Variants in PCDH11X observed in about 807,000 individuals in gnomAD.
PCDH11X encodes protocadherin-11 X-linked.
A neutral mutation model predicts 53.3 loss-of-function variants in PCDH11X; 18 were observed. The ratio of observed to expected loss-of-function variants is 0.34; its 90% CI spans 0.23 to 0.50. The LOEUF is 0.50. Ranked by LOEUF, PCDH11X falls within the 20% of genes least tolerant of loss-of-function variation. The pLI, the probability that PCDH11X is intolerant of heterozygous loss-of-function variation, is 0.98. For synonymous variants in PCDH11X, 279 were observed against 393.3 expected, an observed-to-expected ratio of 0.71 and a Z score of 3.44; for missense variants, 570 against 1,032.4, an observed-to-expected ratio of 0.55 and a Z score of 6.14.
In PCDH11X at chrX:91,882,886, G is replaced by A. The variant is rs150591779; in HGVS notation, c.3033+3613G>A. 3,061 of 1,182,450 alleles carry A rather than the reference G, an allele frequency of 2.6e-3. 34 individuals carry two copies. In the African/African-American group the frequency reaches 0.035, roughly 13 times the overall value. ...AACACAACCATCTGATTTTGATAAC[G>A]TGTTATTTTTCTTGTCCTAGACTGA... On this transcript the variant is annotated intron_variant, in intron 6 of 10. Transcript: ENST00000682573.
intron 6 of PCDH11X, among the ~76,000 whole-genome samples, chrX:91,994,405 C>A (rs1412482397): frequency 9.1e-6 from 1 of 109,925 alleles, no homozygotes; most frequent in Non-Finnish European, 1.9e-5. Flanking sequence ...TGTACTATTT[C>A]TCTTTATGTC....
intron 8 of PCDH11X, among the ~76,000 whole-genome samples, chrX:92,337,711 A>G (rs918455848): frequency 3.6e-5 from 4 of 111,647 alleles, no homozygotes; most frequent in Non-Finnish European, 7.5e-5. Context: ...GTAGATTCCT[A>G]GGGATTAATT....
At chrX:92,604,952 T>C (rs1331725346) in intron 10 of PCDH11X, among the ~76,000 whole-genome samples, 1 of 99,086 alleles carries the variant, frequency 1.0e-5, no homozygotes, top group Non-Finnish European at 2.0e-5. Flanking sequence ...TTTGACAGAA[T>C]TGAAGAGAGA....
intron 6 of PCDH11X, among the ~76,000 whole-genome samples, chrX:92,097,291 G>T (rs758250141): frequency 2.3e-4 from 25 of 108,758 alleles, no homozygotes; most frequent in Non-Finnish European, 4.4e-4. Flanking sequence ...GTGCACTTGT[G>T]GTCCTAGCTA....
intron 6 of PCDH11X, among the ~76,000 whole-genome samples, chrX:91,956,448 G>C (rs2061712255): frequency 9.0e-6 from 1 of 111,293 alleles, no homozygotes; most frequent in Admixed American, 9.6e-5. Context: ...GGTAGGCCTG[G>C]TGGTGATGAA....
Position 91,789,131 on chromosome X carries a change from G to A in PCDH11X, c.-379+9447G>A, listed in dbSNP as rs754058045. ...GCAGGAGAATCCCTTGAACCCGCGA[G>A]GCGGAGATTGCAGTGAGCCGAGATC... On this transcript the variant is annotated intron_variant, in intron 1 of 10. Transcript: ENST00000682573. Among the ~76,000 whole-genome samples, 15 of 102,887 alleles carry A rather than the reference G, an allele frequency of 1.5e-4. No homozygotes were observed. The East Asian group carries it at 3.7e-3, about 25-fold the overall frequency. The allele number at this position is 102,887 out of a possible 115,157, so 89.3% of individuals were successfully genotyped here.
chrX:92,563,047 G>GTC (rs2075157582), intron 10 of PCDH11X, among the ~76,000 whole-genome samples: 1 of 43,859 alleles, frequency 2.3e-5, no homozygotes, highest in Non-Finnish European at 3.8e-5. Flanking sequence ...CCTTGGTACC[G>GTC]TTTTTTTTTT....
chrX:91,922,159 A>G (rs1378650730), intron 6 of PCDH11X, among the ~76,000 whole-genome samples: 1 of 111,982 alleles, frequency 8.9e-6, no homozygotes, highest in Non-Finnish European at 1.9e-5. Context: ...TGGTTTTAAA[A>G]TTATAACTCG....
At chrX:92,608,164 C>T (rs183258155) in intron 10 of PCDH11X, among the ~76,000 whole-genome samples, 1,358 of 103,448 alleles carry the variant, frequency 0.013, 26 homozygotes, top group African/African-American at 0.048. Context: ...GCCATTATCA[C>T]TCAGCAAGCA....
chrX:92,176,822 T>G (rs2065916173), intron 6 of PCDH11X, among the ~76,000 whole-genome samples: 1 of 111,659 alleles, frequency 9.0e-6, no homozygotes, highest in African/African-American at 3.3e-5. Context: ...TTCTGTCATG[T>G]TCTTTAATGT....
intron 1 of PCDH11X, among the ~76,000 whole-genome samples, chrX:91,781,019 A>C (rs771722617): frequency 3.6e-5 from 4 of 112,189 alleles, no homozygotes; most frequent in Non-Finnish European, 5.6e-5. Flanking sequence ...TAGGCTGCTC[A>C]TGTGAAGCGC....
intron 7 of PCDH11X, 37 bp from the exon 8 acceptor site, chrX:92,263,077 C>T (rs369630655): frequency 3.0e-5 from 35 of 1,149,991 alleles, no homozygotes; most frequent in African/African-American, 5.5e-5. Flanking sequence ...GTTTTATTTT[C>T]CTTTGCTTCC....
intron 6 of PCDH11X, among the ~76,000 whole-genome samples, chrX:91,912,182 C>G (rs1228769133): frequency 9.0e-6 from 1 of 111,379 alleles, no homozygotes; most frequent in Admixed American, 9.5e-5. Context: ...TTGCTGGACT[C>G]CTTAGTTTTT....
intron 7 of PCDH11X, 47 bp from the exon 8 acceptor site, chrX:92,263,067 G>A: frequency 8.8e-7 from 1 of 1,129,989 alleles, no homozygotes; most frequent in Non-Finnish European, 1.2e-6. Context: ...TTTTGTTTTT[G>A]TTTTATTTTC....
chrX:92,387,392 C>A (rs757658782), intron 8 of PCDH11X, among the ~76,000 whole-genome samples: 2 of 112,018 alleles, frequency 1.8e-5, no homozygotes, highest in East Asian at 5.6e-4. Context: ...TAAGTTATTG[C>A]CAAATAATAC....
intron 6 of PCDH11X, chrX:92,113,961 G>C (rs1040447663): frequency 8.3e-7 from 1 of 1,205,255 alleles, no homozygotes; most frequent in Non-Finnish European, 1.1e-6. Context: ...GGTATCTCCG[G>C]TTAAGCATAT....
intron 7 of PCDH11X, among the ~76,000 whole-genome samples, chrX:92,262,568 T>C (rs1306205052): frequency 1.8e-5 from 2 of 111,194 alleles, no homozygotes; most frequent in Non-Finnish European, 3.8e-5. Flanking sequence ...TTGAACAGAG[T>C]TGATTTAAGA....
intron 6 of PCDH11X, among the ~76,000 whole-genome samples, chrX:92,096,472 G>C (rs1417241007): frequency 1.9e-5 from 2 of 107,169 alleles, no homozygotes; most frequent in Non-Finnish European, 3.9e-5. Context: ...GTGTGTGTGT[G>C]TGTATGTACC....
chrX:92,048,654 A>G (rs1233806485), intron 6 of PCDH11X, among the ~76,000 whole-genome samples: 1 of 112,110 alleles, frequency 8.9e-6, no homozygotes, highest in Admixed American at 9.5e-5. Context: ...TTAAATGTCT[A>G]TTAGAAAAAT....
Sources: gnomAD v4.1 joint callset for allele counts (sites outside exome capture counted in the v4.1 genomes callset) on GRCh38, gnomAD v4.1.1 for gene constraint, MANE v1.5 for transcripts, NCBI Gene and HGNC (gene_info 2026-07-23, HGNC 2026-07-21) for gene names.